The following RELCH variants were observed in gnomAD, a reference collection of about 807,000 sequenced individuals.
RELCH encodes the protein RAB11 binding and LisH domain, coiled-coil and HEAT repeat containing, also known as RAB11-binding protein RELCH.
Under a neutral mutation model 150.3 loss-of-function variants are expected in RELCH, and 41 were observed. The ratio of observed to expected loss-of-function variants is 0.27; its 90% confidence interval spans 0.21 to 0.35. The LOEUF is 0.35. RELCH is among the 10% of genes least tolerant of loss of function. The pLI is 1.00. For missense variants in RELCH, 1,092 were observed against 1,467.8 expected (o/e 0.74, Z 4.18); for synonymous variants, 478 against 531.8 (o/e 0.90, Z 1.39).
At chr18:62,247,473 CA>C (rs2042475363) in intron 11 of RELCH, 1 of 150,644 alleles carries the variant, frequency 6.6e-6, no homozygotes, top group South Asian at 2.1e-4. Context: ...GCAGTGTTTT[CA>C]AATTTATGTT....
At chr18:62,209,831 T>A (rs1417941422) in intron 1 of RELCH, among the ~76,000 whole-genome samples, 2 of 152,212 alleles carry the variant, frequency 1.3e-5, no homozygotes, top group Admixed American at 6.5e-5. Flanking sequence ...ACATTTTGCA[T>A]GTTTTTGTTA....
chr18:62,194,190 G>A (rs188447548), intron 1 of RELCH, among the ~76,000 whole-genome samples: 5 of 152,264 alleles, frequency 3.3e-5, no homozygotes, highest in Admixed American at 2.0e-4. Context: ...CAAGGCTGCA[G>A]TGAGCCATGA....
chr18:62,195,212 C>A (rs2038937598), intron 1 of RELCH, among the ~76,000 whole-genome samples: 1 of 151,884 alleles, frequency 6.6e-6, no homozygotes, highest in East Asian at 1.9e-4. Flanking sequence ...AATGTTCCTA[C>A]TAAATTTACA....
At chr18:62,241,149 T>C (rs2042129811) in intron 10 of RELCH, among the ~76,000 whole-genome samples, 1 of 152,182 alleles carries the variant, frequency 6.6e-6, no homozygotes, top group South Asian at 2.1e-4. Flanking sequence ...CAACTCTTTG[T>C]CTCCTTGCAG....
chr18:62,189,957 GTC>G (rs74824493), intron 1 of RELCH, among the ~76,000 whole-genome samples: 10,739 of 152,096 alleles, frequency 0.071, 477 homozygotes, highest in South Asian at 0.17. Flanking sequence ...GTTTGTGTTT[GTC>G]TCTATGTGTG....
intron 1 of RELCH, among the ~76,000 whole-genome samples, chr18:62,207,764 C>CT (rs1483668285): frequency 6.6e-6 from 1 of 152,202 alleles, no homozygotes; most frequent in Non-Finnish European, 1.5e-5. Flanking sequence ...TGTCACCACT[C>CT]TAATTCCAGA....
intron 10 of RELCH, among the ~76,000 whole-genome samples, chr18:62,233,182 T>C (rs1425583524): frequency 6.6e-6 from 1 of 151,690 alleles, no homozygotes; most frequent in Non-Finnish European, 1.5e-5. Flanking sequence ...ATTTATAATC[T>C]CATTTAAATG....
chr18:62,230,276 A>G (rs2041487037), intron 8 of RELCH, among the ~76,000 whole-genome samples: 1 of 151,978 alleles, frequency 6.6e-6, no homozygotes, highest in African/African-American at 2.4e-5. Flanking sequence ...CAGCATGGGC[A>G]ATACAGCAAG....
chr18:62,210,301 C>T (rs2040077232), intron 1 of RELCH, among the ~76,000 whole-genome samples: 1 of 152,180 alleles, frequency 6.6e-6, no homozygotes, highest in Non-Finnish European at 1.5e-5. Context: ...CATCTCTTGC[C>T]TCATCAGTTG....
chr18:62,279,108 G>A (rs1346134867), intron 22 of RELCH, among the ~76,000 whole-genome samples: 2 of 152,088 alleles, frequency 1.3e-5, no homozygotes, highest in Non-Finnish European at 2.9e-5. Flanking sequence ...GAAAACTTGC[G>A]TTTCAAGAGG....
chr18:62,293,143 T>A (rs909138989), intron 27 of RELCH, among the ~76,000 whole-genome samples: 3 of 152,178 alleles, frequency 2.0e-5, no homozygotes, highest in African/African-American at 7.2e-5. Context: ...CTCTTCCCTC[T>A]GTCAAAAGAA....
At chr18:62,279,350 A>G (rs1600214510) in intron 22 of RELCH, among the ~76,000 whole-genome samples, 1 of 152,170 alleles carries the variant, frequency 6.6e-6, no homozygotes, top group African/African-American at 2.4e-5. Context: ...TACTCCTGTG[A>G]GTTTGGTTTA....
chr18:62,195,666 A>C (rs749210394), intron 1 of RELCH, among the ~76,000 whole-genome samples: 1 of 151,296 alleles, frequency 6.6e-6, no homozygotes, highest in Non-Finnish European at 1.5e-5. Context: ...CATTTCACCT[A>C]TGAGCTTGCA....
At chr18:62,192,216 T>G (rs2038695657) in intron 1 of RELCH, among the ~76,000 whole-genome samples, 1 of 152,228 alleles carries the variant, frequency 6.6e-6, no homozygotes, top group African/African-American at 2.4e-5. Flanking sequence ...TCCATTCGTG[T>G]CCTTTGCCCA....
intron 1 of RELCH, among the ~76,000 whole-genome samples, chr18:62,193,225 C>G (rs538338123): frequency 1.3e-5 from 2 of 152,194 alleles, no homozygotes; most frequent in South Asian, 4.1e-4. Flanking sequence ...ATTTTGTATC[C>G]TGAGACTTTG....
At position 62,308,500 on chromosome 18, in the gene RELCH, A is replaced by T. The variant is rs1187236441; in HGVS notation, c.*2966A>T. 6.6e-6 allele frequency: 1 copy of T among 152,060 alleles called. No homozygotes were observed. Among genetic ancestry groups the T allele is most frequent in the Non-Finnish European group, 1.5e-5 (1 of 68,044 alleles). The allele number at this position is 152,060 out of a possible 1,614,324, so 9.4% of individuals were successfully genotyped here. On this transcript the variant is annotated 3_prime_UTR_variant, in exon 29 of 29. Transcript: ENST00000644646. ...CTTTGGGAGGCCAAGGTGACGAATCACTTGAGGTCAGTAGTTCAAGACCAG... is the reference window on the plus strand; with the variant it reads ...CTTTGGGAGGCCAAGGTGACGAATCTCTTGAGGTCAGTAGTTCAAGACCAG...
intron 26 of RELCH, among the ~76,000 whole-genome samples, chr18:62,289,979 C>T (rs1056306842): frequency 6.6e-6 from 1 of 152,148 alleles, no homozygotes; most frequent in Admixed American, 6.6e-5. Context: ...CCACTTATCC[C>T]CATATCTAGA....
At chr18:62,189,590 C>T (rs1323661962) in intron 1 of RELCH, among the ~76,000 whole-genome samples, 3 of 151,814 alleles carry the variant, frequency 2.0e-5, no homozygotes, top group South Asian at 2.1e-4. Flanking sequence ...TGTTTTCAAC[C>T]GTATTAATAC....
intron 1 of RELCH, among the ~76,000 whole-genome samples, chr18:62,209,788 T>A (rs1383090783): frequency 1.3e-5 from 2 of 152,188 alleles, no homozygotes; most frequent in African/African-American, 4.8e-5. Context: ...ATCTTTAATT[T>A]CTTTGGACAA....
Sources: allele counts gnomAD v4.1 joint callset (sites outside exome capture counted in the v4.1 genomes callset), GRCh38; gene constraint gnomAD v4.1.1; transcripts MANE v1.5; gene names NCBI Gene and HGNC (gene_info 2026-07-23, HGNC 2026-07-21).